The following EIF2AK3 variants were observed in gnomAD, a reference collection of about 807,000 sequenced individuals.
EIF2AK3 encodes the protein eukaryotic translation initiation factor 2 alpha kinase 3, also known as eukaryotic translation initiation factor 2-alpha kinase 3.
EIF2AK3 carries 50 observed loss-of-function variants against 113.5 expected under a neutral mutation model. The observed-to-expected ratio is 0.44, with a 90% CI of 0.35 to 0.56. The LOEUF (loss-of-function observed/expected upper bound fraction) is 0.56, where lower values mean the gene tolerates loss of function less well. EIF2AK3 is among the 20% of genes least tolerant of loss of function. The probability of loss-of-function intolerance (pLI) is 0.00; values close to 1 mark genes in which losing one functional copy is unlikely to be tolerated. For missense variants in EIF2AK3, 1,185 were observed against 1,378.0 expected (o/e 0.86, Z 2.22); for synonymous variants, 448 against 495.4 (o/e 0.90, Z 1.27).
rs752958536 is a variant in EIF2AK3 at position 88,575,291 on chromosome 2, G to C, written c.2192C>G (p.Thr731Arg). The change falls in exon 13 of 17, where the codon ACA becomes AGA. Residue 731 changes from threonine (T) to arginine (R), a missense_variant. By Grantham distance (71) the Thr-to-Arg change is moderately conservative. This residue lies in a region of EIF2AK3 where 877 missense variants were observed against 1,024.2 expected (regional missense o/e 0.86). Coordinates refer to ENST00000303236, the MANE Select transcript of EIF2AK3 (RefSeq NM_004836.7). ...TGAGAACTGGCTCTCAGATGAACTT[G>C]TCTGGTCACAGGAAATCCCTACTGA... ...SFSVGISCDQ[T>R]SSSESQFSPL... 6.2e-7 allele frequency: 1 copy of C among 1,614,048 alleles called. No homozygotes were observed. The highest frequency in any genetic ancestry group is 8.5e-7 in the Non-Finnish European group (1 of 1,180,022).
chr2:88,567,942 C>T (rs1231349866), intron 14 of EIF2AK3, among the ~76,000 whole-genome samples: 1 of 152,004 alleles, frequency 6.6e-6, no homozygotes, highest in Admixed American at 6.6e-5. Flanking sequence ...ACTTTTTTGA[C>T]TCTTAATATG....
chr2:88,558,048 T>C, intron 16 of EIF2AK3, 112 bp from the exon 17 acceptor site: 1 of 1,125,314 alleles, frequency 8.9e-7, no homozygotes, highest in South Asian at 1.3e-5. Context: ...TTTTGAGCCA[T>C]ATTCGAGTTT....
intron 13 of EIF2AK3, among the ~76,000 whole-genome samples, chr2:88,573,133 G>A (rs1469961256): frequency 6.6e-6 from 1 of 150,986 alleles, no homozygotes; most frequent in African/African-American, 2.4e-5. Flanking sequence ...TTTGGTTGGG[G>A]GTGGCGCACT....
chr2:88,566,520 C>T (rs896543172), intron 14 of EIF2AK3, among the ~76,000 whole-genome samples: 1 of 146,936 alleles, frequency 6.8e-6, no homozygotes, highest in East Asian at 2.0e-4. Context: ...TTTAAAAACT[C>T]TTTTTTTTTT....
chr2:88,568,332 TC>T (rs1049142197), intron 14 of EIF2AK3, among the ~76,000 whole-genome samples: 1 of 152,214 alleles, frequency 6.6e-6, no homozygotes, highest in African/African-American at 2.4e-5. Flanking sequence ...ATATAATTTT[TC>T]ACTGTGTTGA....
At chr2:88,561,926 A>G (rs1179952391) in intron 15 of EIF2AK3, among the ~76,000 whole-genome samples, 1 of 152,236 alleles carries the variant, frequency 6.6e-6, no homozygotes, top group African/African-American at 2.4e-5. Flanking sequence ...TTTGAGAGGA[A>G]AGAAACCTAA....
intron 14 of EIF2AK3, among the ~76,000 whole-genome samples, chr2:88,569,366 T>TA (rs1674231004): frequency 6.6e-6 from 1 of 151,626 alleles, no homozygotes; most frequent in Non-Finnish European, 1.5e-5. Flanking sequence ...ATTTTTTTTT[T>TA]AAAGAGAAAA....
intron 2 of EIF2AK3, among the ~76,000 whole-genome samples, chr2:88,610,036 T>G (rs1675393411): frequency 6.7e-6 from 1 of 149,824 alleles, no homozygotes. Context: ...GTGGAAGGAC[T>G]GCTTGAGCCC....
chr2:88,598,437 C>T (rs1165689483), intron 2 of EIF2AK3, among the ~76,000 whole-genome samples: 2 of 152,066 alleles, frequency 1.3e-5, no homozygotes, highest in East Asian at 3.9e-4. Flanking sequence ...TAAAAATCAT[C>T]AATGAGAGTT....
intron 15 of EIF2AK3, among the ~76,000 whole-genome samples, chr2:88,560,072 G>T (rs184732596): frequency 6.6e-6 from 1 of 152,148 alleles, no homozygotes; most frequent in Admixed American, 6.5e-5. Flanking sequence ...CACCAGCAAC[G>T]TATGAGGGTT....
chr2:88,621,570 C>G (rs918488163), intron 1 of EIF2AK3, among the ~76,000 whole-genome samples: 1 of 152,174 alleles, frequency 6.6e-6, no homozygotes, highest in African/African-American at 2.4e-5. Flanking sequence ...TTTGCCCAAA[C>G]TTGTGCCCTC....
At chr2:88,608,222 C>G (rs971495429) in intron 2 of EIF2AK3, among the ~76,000 whole-genome samples, 2 of 152,168 alleles carry the variant, frequency 1.3e-5, no homozygotes, top group Non-Finnish European at 2.9e-5. Flanking sequence ...CTTCTCTGGT[C>G]TTCTGAGTTA....
At chr2:88,561,978 C>T (rs555688005) in intron 15 of EIF2AK3, among the ~76,000 whole-genome samples, 1 of 152,138 alleles carries the variant, frequency 6.6e-6, no homozygotes, top group Non-Finnish European at 1.5e-5. Flanking sequence ...GAGTGTGTGG[C>T]CCCCATTACC....
chr2:88,615,801 A>G (rs2103971916), intron 1 of EIF2AK3, among the ~76,000 whole-genome samples: 1 of 152,224 alleles, frequency 6.6e-6, no homozygotes, highest in Middle Eastern at 3.4e-3. Flanking sequence ...GTTGTTATAT[A>G]CTGTCTCCTA....
Position 88,590,649 on chromosome 2 carries a change from G to GT in EIF2AK3, c.1003-45dup, listed in dbSNP as rs769078323. ...AAGGTCTTAAATAATTCAAGCAGTA[G>GT]TTATATAGTTCCAACCCATAAAATA... On this transcript the variant is annotated intron_variant, in intron 5 of 16. Transcript: ENST00000303236. The GT allele has an allele frequency of 2.3e-5, 37 of 1,600,230 alleles. No individual in the cohort carries two copies. The African/African-American group carries it at 4.5e-4, about 20-fold the overall frequency.
intron 6 of EIF2AK3, among the ~76,000 whole-genome samples, chr2:88,589,750 T>A (rs1348715011): frequency 2.6e-5 from 4 of 151,656 alleles, no homozygotes. Flanking sequence ...GTGACATGAT[T>A]ATAGTTTGGG....
At chr2:88,619,528 C>A (rs893736006) in intron 1 of EIF2AK3, among the ~76,000 whole-genome samples, 3 of 152,188 alleles carry the variant, frequency 2.0e-5, no homozygotes, top group Non-Finnish European at 4.4e-5. Flanking sequence ...ACAATCTATT[C>A]CTGCCACTTA....
Position 88,587,991 on chromosome 2 carries a change from A to G in EIF2AK3, c.1420T>C (p.Tyr474His), listed in dbSNP as rs1233965274. The G allele has an allele frequency of 6.4e-7, 1 of 1,574,554 alleles. No homozygotes were observed. Among genetic ancestry groups the G allele is most frequent in the Non-Finnish European group, 8.7e-7 (1 of 1,152,780 alleles). ...YSNGALSILQ[Y>H]PYDNGYYLPY... ...CAGTATTTTCACTTACCATATGGAT[A>G]CTGCAAGATTGAAAGTGCACCATTA... is the stretch of plus-strand genomic sequence containing the variant. Residue 474 changes from tyrosine to histidine, a missense_variant, in exon 8 of 17, where the codon TAT becomes CAT. Transcript: ENST00000303236.
chr2:88,583,235 T>C (rs762552533), intron 10 of EIF2AK3, among the ~76,000 whole-genome samples, 195 bp downstream of exon 10: 7 of 152,190 alleles, frequency 4.6e-5, no homozygotes, highest in Admixed American at 3.9e-4. Flanking sequence ...TCTAAATTCC[T>C]ATAACACTCT....
Sources: allele counts gnomAD v4.1 joint callset (sites outside exome capture counted in the v4.1 genomes callset), GRCh38; gene constraint gnomAD v4.1.1; regional missense constraint gnomAD v4.1.1; transcripts MANE v1.5; gene names NCBI Gene and HGNC (gene_info 2026-07-23, HGNC 2026-07-21).